DRC11L: variants seen among roughly 807,000 people sequenced by gnomAD.
DRC11L encodes the protein dynein regulatory complex subunit like-11.
At chr7:151,196,731 T>G in the DRC11L span, among the ~76,000 whole-genome samples, 1 of 152,278 alleles carries the variant, frequency 6.6e-6, no homozygotes, top group African/African-American at 2.4e-5. Context: ...CTGGCATTGC[T>G]TCTACCCAGA....
the DRC11L span, chr7:151,203,384 C>T: frequency 2.5e-6 from 1 of 399,390 alleles, no homozygotes; most frequent in African/African-American, 2.1e-5. Flanking sequence ...GAGGGTGTCA[C>T]CCCCGTTTAC....
At chr7:151,192,253 G>T in the DRC11L span, 10 of 398,946 alleles carry the variant, frequency 2.5e-5, no homozygotes, top group Admixed American at 4.4e-5. Context: ...AGGCGCAGCC[G>T]TCCCCACATC....
chr7:151,201,470 G>C, the DRC11L span, among the ~76,000 whole-genome samples: 415 of 152,314 alleles, frequency 2.7e-3, 3 homozygotes, highest in African/African-American at 9.4e-3. The surrounding 1 kb of genome is among the most constrained non-coding windows in gnomAD (Gnocchi z 4.1). Flanking sequence ...CTGCTGTCGA[G>C]AACCTCCTTC....
chr7:151,194,612 G>A, the DRC11L span: 88 of 399,422 alleles, frequency 2.2e-4, 2 homozygotes, highest in East Asian at 3.1e-3. Context: ...GCAGAGGATG[G>A]CACAGGAAGA....
At chr7:151,191,571 T>G in the DRC11L span, 135,040 of 398,414 alleles carry the variant, frequency 0.34, 24,598 homozygotes, top group East Asian at 0.55. Context: ...GGGGTCCGAG[T>G]TGTGCTTCAG....
chr7:151,192,660 C>T, the DRC11L span: 4 of 398,994 alleles, frequency 1.0e-5, no homozygotes, highest in Non-Finnish European at 1.8e-5. Flanking sequence ...GGGTTTGGAG[C>T]GACTGGAACA....
At chr7:151,193,906 C>CA in the DRC11L span, among the ~76,000 whole-genome samples, 8,308 of 116,182 alleles carry the variant, frequency 0.072, 659 homozygotes, top group East Asian at 0.32. Context: ...GACTCTATCT[C>CA]AAAAAAAAAA....
the DRC11L span, chr7:151,200,338 A>G: frequency 7.5e-6 from 3 of 399,186 alleles, no homozygotes; most frequent in Admixed American, 8.8e-5. Flanking sequence ...TGCCCTGGCC[A>G]GCCCTGTGTT....
At chr7:151,193,368 C>T in the DRC11L span, 1 of 399,656 alleles carries the variant, frequency 2.5e-6, no homozygotes, top group Non-Finnish European at 4.4e-6. Flanking sequence ...GGCGACAGGT[C>T]GAACAGGTTG....
At chr7:151,191,187 C>T in the DRC11L span, 1 of 399,736 alleles carries the variant, frequency 2.5e-6, no homozygotes, top group African/African-American at 2.1e-5. Flanking sequence ...CTTCTCCTCT[C>T]CTCCTGGGTT....
the DRC11L span, among the ~76,000 whole-genome samples, chr7:151,200,895 C>T: frequency 3.9e-5 from 6 of 152,098 alleles, no homozygotes; most frequent in African/African-American, 7.2e-5. Context: ...CAACTGAGGC[C>T]GGAGACTGGA....
chr7:151,192,487 T>A, the DRC11L span: 2 of 398,740 alleles, frequency 5.0e-6, no homozygotes, highest in Admixed American at 8.8e-5. Context: ...GTGGTGGGGC[T>A]GGGGCACAGT....
chr7:151,199,573 T>A, the DRC11L span, among the ~76,000 whole-genome samples: 1 of 151,770 alleles, frequency 6.6e-6, no homozygotes, highest in Non-Finnish European at 1.5e-5. This position sits in a 1 kb window ranked among gnomAD's most constrained non-coding sequence, Gnocchi z 5.2. Context: ...CCCCAACAAG[T>A]CTCTGACCTC....
chr7:151,192,194 G>A, the DRC11L span: 64 of 398,526 alleles, frequency 1.6e-4, 1 homozygote, highest in African/African-American at 1.2e-3. Flanking sequence ...TGGGGGTGAG[G>A]GCTCGCAGCA....
chr7:151,195,247 C>T, the DRC11L span, among the ~76,000 whole-genome samples: 30 of 152,222 alleles, frequency 2.0e-4, no homozygotes, highest in South Asian at 4.6e-3. Flanking sequence ...TGCTTGATCC[C>T]CACGGCTATC....
chr7:151,205,104 C>G, the DRC11L span, among the ~76,000 whole-genome samples: 1 of 152,108 alleles, frequency 6.6e-6, no homozygotes, highest in Non-Finnish European at 1.5e-5. Context: ...AAAGCCAGCC[C>G]AGGCTTGGGG....
chr7:151,204,454 C>T, the DRC11L span: 1 of 398,750 alleles, frequency 2.5e-6, no homozygotes, highest in Non-Finnish European at 4.4e-6. Context: ...CCCACCCCAC[C>T]TCTCCCCTCC....
At chr7:151,193,942 A>C in the DRC11L span, among the ~76,000 whole-genome samples, 3 of 150,874 alleles carry the variant, frequency 2.0e-5, no homozygotes, top group African/African-American at 7.3e-5. Flanking sequence ...GGGATAAATC[A>C]CTTCAGAAAG....
chr7:151,194,058 C>T, the DRC11L span, among the ~76,000 whole-genome samples: 6 of 151,952 alleles, frequency 3.9e-5, no homozygotes, highest in Non-Finnish European at 1.5e-5. Context: ...GCTCTTTCAG[C>T]AGGTCAAGGG....
Sources: allele counts gnomAD v4.1 joint callset (sites outside exome capture counted in the v4.1 genomes callset), GRCh38; gene constraint gnomAD v4.1.1; non-coding constraint Gnocchi (gnomAD v3.1); transcripts MANE v1.5; gene names NCBI Gene and HGNC (gene_info 2026-07-23, HGNC 2026-07-21).